SLC25A41: variants seen among roughly 807,000 people sequenced by gnomAD.
The protein encoded by SLC25A41 is mitochondrial carrier protein SCaMC-3L.
Under a neutral mutation model 34.7 loss-of-function variants are expected in SLC25A41, and 35 were observed. The ratio of observed to expected loss-of-function variants is 1.01; its 90% CI spans 0.77 to 1.34. The LOEUF (loss-of-function observed/expected upper bound fraction) is 1.34. Ranked by LOEUF, SLC25A41 falls within the 40% of genes most tolerant of loss-of-function variation. The pLI, the probability that SLC25A41 is intolerant of heterozygous loss-of-function variation, is 0.00. For missense variants in SLC25A41, 492 were observed against 489.8 expected, an observed-to-expected ratio of 1.00 and a Z score of -0.04; for synonymous variants, 190 against 209.9, an observed-to-expected ratio of 0.91 and a Z score of 0.82.
rs1317727626 is a variant in SLC25A41, at chr19:6,430,069, G to A, written c.456C>T (p.Asn152=). 7 of 1,611,402 alleles carry A rather than the reference G, an allele frequency of 4.3e-6. No homozygotes were observed. Among genetic ancestry groups the A allele is most frequent in the African/African-American group, 2.7e-5 (2 of 74,986 alleles). Residue 152 remains asparagine (N), a synonymous_variant, in exon 3 of 7, where the codon AAC becomes AAT. Coordinates refer to ENST00000321510, the MANE Select transcript of SLC25A41 (RefSeq NM_173637.4). ...GAGCAATCTTGAGCACGTTGATGCC[G>A]TTGCCCCGCCACAGGGAGCGGAAGC... ...EGGFRSLWRG[N]GINVLKIAPE... is the part of the protein sequence containing the mutation.
Position 6,427,277 on chromosome 19 carries a change from G to T in SLC25A41, c.793-27C>A. ...TGCAAGAGAAGGGGGCCAGGAGAAA[G>T]CTCACTAGGAGCCTGGGCTCCGGCC... is the stretch of plus-strand genomic sequence containing the variant. On this transcript the variant is annotated intron_variant, in intron 5 of 6. Coordinates refer to ENST00000321510, the MANE Select transcript of SLC25A41 (RefSeq NM_173637.4). This position sits in a 1 kb window ranked among gnomAD's most constrained non-coding sequence, Gnocchi z 4.9. The T allele has an allele frequency of 1.2e-6, 2 of 1,611,168 alleles. No individual in the cohort carries two copies. The highest frequency in any genetic ancestry group is 1.3e-5 in the African/African-American group (1 of 75,034).
chr19:6,432,091 G>A lies in SLC25A41; in HGVS notation c.321C>T (p.Arg107=). ...CTCTGTCCAGAGGTGCCGTGCCCGTGCGAGACACCGCCCCGGCCATAGCTC... is the reference window on the plus strand; with the variant it reads ...CTCTGTCCAGAGGTGCCGTGCCCGTACGAGACACCGCCCCGGCCATAGCTC... ...LSGAMAGAVS[R]TGTAPLDRAK... is the part of the protein sequence containing the mutation. Residue 107 remains arginine, a synonymous_variant, in exon 2 of 7, where the codon CGC becomes CGT. Transcript: ENST00000321510. The A allele has an allele frequency of 1.9e-6, 3 of 1,613,870 alleles. No individual in the cohort carries two copies. The highest frequency in any genetic ancestry group is 2.5e-6 in the Non-Finnish European group (3 of 1,179,846).
Position 6,426,245 on chromosome 19 carries a change from G to GGC in SLC25A41, c.*143_*144insGC. 5.4e-6 allele frequency: 3 copies of GGC among 555,694 alleles called. No homozygotes were observed. The highest frequency in any genetic ancestry group is 5.5e-6 in the Non-Finnish European group (2 of 360,490). 34.4% of individuals were successfully genotyped at this position (555,694 alleles called of 1,614,324 possible). A position where few individuals can be genotyped will look rare whatever the true frequency, so the allele number is the denominator to read the frequency against. On this transcript the variant is annotated 3_prime_UTR_variant, in exon 7 of 7. Coordinates refer to ENST00000321510, the MANE Select transcript of SLC25A41 (RefSeq NM_173637.4). Reference sequence around the variant, plus strand: ...AGCTTCAGGAATCTTCTGACCCAGAGCCCCACCCCCACCCCCAGCCTGCTT... The same window carrying GGC: ...AGCTTCAGGAATCTTCTGACCCAGAGGCCCCCACCCCCACCCCCAGCCTGCTT...
chr19:6,435,396 A>T (rs1719892818), upstream of SLC25A41, among the ~76,000 whole-genome samples: 1 of 152,008 alleles, frequency 6.6e-6, no homozygotes, highest in Non-Finnish European at 1.5e-5. Context: ...CTAGGAACAC[A>T]GGTGCGGACA....
rs1365452812 is a variant in SLC25A41 at position 6,426,505 on chromosome 19, G to A, written c.997C>T (p.Gln333Ter). ...CGGTACAGCCCTAGCCAGCCCTGCT[G>A]GGCCAGGATCCGCTGGAGGACTCCG... is the stretch of plus-strand genomic sequence containing the variant. Reference protein sequence around the residue: ...MRGVLQRILAQQGWLGLYRGM... With the variant: ...MRGVLQRILA Residue 333 changes from glutamine (Q) to a stop codon, truncating the protein, a stop_gained, in exon 7 of 7, where the codon CAG becomes TAG. Transcript: ENST00000321510. LOFTEE classifies it low-confidence loss of function (END_TRUNC). 4 of 1,613,520 alleles carry A rather than the reference G, an allele frequency of 2.5e-6. No individual in the cohort carries two copies. Among genetic ancestry groups the A allele is most frequent in the Non-Finnish European group, 3.4e-6 (4 of 1,179,816 alleles).
Position 6,429,129 on chromosome 19 carries a change from GTT to G in SLC25A41, c.624+593_624+594del, listed in dbSNP as rs1433686618. ...TATATAATATATATATTATATATATGTTATATATATATATAATATATATATTA... is the reference window on the plus strand; with the variant it reads ...TATATAATATATATATTATATATATGATATATATATATAATATATATATTA... On this transcript the variant is annotated intron_variant, in intron 4 of 6. Transcript: ENST00000321510. 6.7e-4 allele frequency among the ~76,000 whole-genome samples: 23 copies of G among 34,576 alleles called. 1 individual carries two copies. Among genetic ancestry groups the G allele is most frequent in the African/African-American group, 4.6e-3 (21 of 4,576 alleles). 22.7% of individuals were successfully genotyped at this position (34,576 alleles called of 152,430 possible).
chr19:6,429,954 G>A, intron 3 of SLC25A41, 55 bp downstream of exon 3: 3 of 1,597,646 alleles, frequency 1.9e-6, no homozygotes, highest in East Asian at 2.3e-5. Flanking sequence ...GGAGTTTTGG[G>A]GGCATGGGAG....
rs1430434766 is a variant in SLC25A41, at chr19:6,433,669, G to A, written c.25C>T (p.Gln9Ter). ...GTCTGGATCCTAGAGCAAGTGTTCT[G>A]AGGTTCCCCAGGCTGAGCGCCCATG... MGAQPGEP[Q>*]NTCSRIQTLF... Residue 9 changes from glutamine (Q) to a stop codon, truncating the protein, a stop_gained, in exon 1 of 7, where the codon CAG becomes TAG. Coordinates refer to ENST00000321510, the MANE Select transcript of SLC25A41 (RefSeq NM_173637.4). LOFTEE classifies it high-confidence loss of function. The A allele has an allele frequency of 6.3e-7, 1 of 1,580,524 alleles. No homozygotes were observed. The highest frequency in any genetic ancestry group is 1.3e-5 in the African/African-American group (1 of 74,446).
At chr19:6,429,605 T>C in intron 4 of SLC25A41, 119 bp downstream of exon 4, 1 of 525,716 alleles carries the variant, frequency 1.9e-6, no homozygotes, top group Non-Finnish European at 3.1e-6. Flanking sequence ...GAGGGAGAAG[T>C]GTGAGAAAAA....
At chr19:6,433,885 C>A, upstream of SLC25A41, 1 of 478,150 alleles carries the variant, frequency 2.1e-6, no homozygotes, top group Non-Finnish European at 3.7e-6. Flanking sequence ...ACCTCCTGAT[C>A]CCCCAAACCA....
rs1429116842 is a variant in SLC25A41 at position 6,427,292 on chromosome 19, G to T, written c.792+42C>A. On this transcript the variant is annotated intron_variant, in intron 5 of 6. Coordinates refer to ENST00000321510, the MANE Select transcript of SLC25A41 (RefSeq NM_173637.4). This position sits in a 1 kb window ranked among gnomAD's most constrained non-coding sequence, Gnocchi z 4.9. ...CCAGGAGAAAGCTCACTAGGAGCCT[G>T]GGCTCCGGCCAGCCCTGCCACCCCC... The T allele has an allele frequency of 3.6e-5, 58 of 1,607,766 alleles. No homozygotes were observed. Among genetic ancestry groups the T allele is most frequent in the Non-Finnish European group, 4.8e-5 (56 of 1,176,380 alleles).
chr19:6,429,484 G>GAGAATA (rs2092273304), intron 4 of SLC25A41, among the ~76,000 whole-genome samples: 1 of 144,566 alleles, frequency 6.9e-6, no homozygotes. Context: ...AAAGAGGAGG[G>GAGAATA]GAGGAGGAGG....
In SLC25A41 at chr19:6,433,360, A is replaced by C. The variant is rs9304938; in HGVS notation, c.207+127T>G. On this transcript the variant is annotated intron_variant, in intron 1 of 6. Coordinates refer to ENST00000321510, the MANE Select transcript of SLC25A41 (RefSeq NM_173637.4). ...CCATCGCGCCCTGCCTCCCTGCCCC[A>C]CCCTGCTTCAAGGTGGAATTCTAGG... The C allele has an allele frequency of 6.3e-6, 6 of 951,748 alleles. No homozygotes were observed. The East Asian group carries it at 1.5e-4, about 24-fold the overall frequency. The allele number at this position is 951,748 out of a possible 1,614,324, so 59.0% of individuals were successfully genotyped here.
upstream of SLC25A41, chr19:6,436,137 G>A (rs117110766): frequency 9.5e-4 from 198 of 208,190 alleles, 4 homozygotes; most frequent in East Asian, 0.015. Context: ...TTACCCCCCC[G>A]CCAAAGGTTG....
chr19:6,428,912 A>G (rs1203130755), intron 4 of SLC25A41, among the ~76,000 whole-genome samples: 2 of 139,124 alleles, frequency 1.4e-5, no homozygotes, highest in African/African-American at 2.6e-5. Context: ...GGGTCTTGCT[A>G]TATTGCCCAG....
At chr19:6,433,460 C>T (rs183849840) in intron 1 of SLC25A41, 27 bp downstream of exon 1, 685 of 1,608,584 alleles carry the variant, frequency 4.3e-4, no homozygotes, top group Non-Finnish European at 5.4e-4. Flanking sequence ...CCAGAGGTGC[C>T]GGGACACTGG....
rs1568349327 is a variant in SLC25A41 at position 6,429,042 on chromosome 19, ATATATATTATATATATGTT to A, written c.624+663_624+681del. ...GAAAATTTATATATATATATATAAT[ATATATATTATATATATGTT>A]ATATATATATATAATATATATATTA... On this transcript the variant is annotated intron_variant, in intron 4 of 6. Coordinates refer to ENST00000321510, the MANE Select transcript of SLC25A41 (RefSeq NM_173637.4). Among the ~76,000 whole-genome samples the A allele has an allele frequency of 3.2e-4, 17 of 53,640 alleles. 2 individuals carry two copies. Among genetic ancestry groups the A allele is most frequent in the African/African-American group, 1.9e-3 (17 of 8,788 alleles). 35.2% of individuals were successfully genotyped at this position (53,640 alleles called of 152,430 possible).
chr19:6,426,471 G>T lies in SLC25A41; in HGVS notation c.1031C>A (p.Thr344Asn), dbSNP rs1489456024. Residue 344 changes from threonine to asparagine, a missense_variant, in exon 7 of 7, where the codon ACC becomes AAC. By Grantham distance (65) the Thr-to-Asn change is moderately conservative. Transcript: ENST00000321510. The stretch of plus-strand genomic sequence containing the variant: ...TGGTAAGACCTTCAGTAGCGTGGGG[G>T]TCATGCCTCGGTACAGCCCTAGCCA... ...QGWLGLYRGM[T>N]PTLLKVLPAG... 1 of 1,613,636 alleles carries T rather than the reference G, an allele frequency of 6.2e-7. No individual in the cohort carries two copies. Among genetic ancestry groups the T allele is most frequent in the Non-Finnish European group, 8.5e-7 (1 of 1,179,860 alleles).
intron 2 of SLC25A41, 46 bp from the exon 3 acceptor site, chr19:6,430,207 T>C: frequency 6.5e-7 from 1 of 1,549,048 alleles, no homozygotes; most frequent in Non-Finnish European, 8.7e-7. Context: ...CGCCTCTGTC[T>C]CCGTCCCCAT....
Sources: gnomAD v4.1 joint callset for allele counts (sites outside exome capture counted in the v4.1 genomes callset) on GRCh38, gnomAD v4.1.1 for gene constraint, Gnocchi (gnomAD v3.1) non-coding constraint, MANE v1.5 for transcripts, NCBI Gene and HGNC (gene_info 2026-07-23, HGNC 2026-07-21) for gene names.